The following FBXL17 variants were observed in gnomAD, a reference collection of about 807,000 sequenced individuals.
FBXL17 encodes the protein F-box/LRR-repeat protein 17.
A neutral mutation model predicts 66.2 loss-of-function variants in FBXL17; 22 were observed. That is an observed-to-expected ratio of 0.33 (90% CI 0.24 to 0.47). FBXL17 has a LOEUF of 0.47. Among genes scored for constraint, FBXL17 ranks in the 20% least tolerant of loss-of-function variants. The pLI, the probability that FBXL17 is intolerant of heterozygous loss-of-function variation, is 1.00. For synonymous variants in FBXL17, 474 were observed against 400.5 expected (o/e 1.18, Z -2.19); for missense variants, 878 against 948.2 (o/e 0.93, Z 0.97).
At chr5:108,121,357 T>C (rs1449262635) in intron 6 of FBXL17, among the ~76,000 whole-genome samples, 1 of 151,976 alleles carries the variant, frequency 6.6e-6, no homozygotes, top group Non-Finnish European at 1.5e-5. Context: ...CTTGTTAATG[T>C]TTTTTGGCAA....
chr5:108,343,672 C>T (rs1252120220), intron 4 of FBXL17, among the ~76,000 whole-genome samples: 1 of 152,092 alleles, frequency 6.6e-6, no homozygotes, highest in Non-Finnish European at 1.5e-5. Flanking sequence ...AACTGTGACA[C>T]AAATGTTTAT....
At chr5:107,876,602 G>A (rs1012138306) in intron 8 of FBXL17, among the ~76,000 whole-genome samples, 1 of 151,968 alleles carries the variant, frequency 6.6e-6, no homozygotes, top group African/African-American at 2.4e-5. Flanking sequence ...TGTTTTTTCC[G>A]CCAGTGCCAG....
At chr5:108,182,573 T>A (rs765443480) in intron 6 of FBXL17, among the ~76,000 whole-genome samples, 1 of 152,214 alleles carries the variant, frequency 6.6e-6, no homozygotes, top group African/African-American at 2.4e-5. Context: ...TTAAAATGCA[T>A]GTTTTCTTAA....
chr5:108,017,672 T>G (rs560509519), intron 7 of FBXL17, among the ~76,000 whole-genome samples: 76 of 152,288 alleles, frequency 5.0e-4, no homozygotes, highest in Non-Finnish European at 7.8e-4. Context: ...TAAGTTTGAT[T>G]TTTTTTCCAC....
intron 4 of FBXL17, among the ~76,000 whole-genome samples, chr5:108,328,419 A>G (rs1759962738): frequency 6.6e-6 from 1 of 152,112 alleles, no homozygotes; most frequent in Non-Finnish European, 1.5e-5. Context: ...ACAAGATAAC[A>G]TAAAAAGGGC....
chr5:107,927,692 T>G (rs1453459379), intron 7 of FBXL17, among the ~76,000 whole-genome samples: 1 of 152,092 alleles, frequency 6.6e-6, no homozygotes, highest in Non-Finnish European at 1.5e-5. Context: ...GTAGAAAAGG[T>G]TCTTTAATTT....
chr5:108,176,755 T>C (rs939863739), intron 6 of FBXL17, among the ~76,000 whole-genome samples: 2 of 152,092 alleles, frequency 1.3e-5, no homozygotes, highest in African/African-American at 4.8e-5. Context: ...TAACTATAAG[T>C]ACTAAAAGAA....
intron 4 of FBXL17, among the ~76,000 whole-genome samples, chr5:108,296,902 GTTT>G (rs1758370009): frequency 6.6e-6 from 1 of 151,076 alleles, no homozygotes; most frequent in African/African-American, 2.4e-5. Flanking sequence ...GGTAATTTTT[GTTT>G]TTAATATACC....
chr5:108,142,508 AT>A (rs943969041), intron 6 of FBXL17, among the ~76,000 whole-genome samples: 1 of 152,222 alleles, frequency 6.6e-6, no homozygotes, highest in Non-Finnish European at 1.5e-5. Context: ...GTGCTCTGGC[AT>A]TCACAAGAGC....
chr5:107,868,817 G>T (rs1748358679), intron 8 of FBXL17, among the ~76,000 whole-genome samples: 3 of 152,198 alleles, frequency 2.0e-5, no homozygotes, highest in Admixed American at 2.0e-4. Context: ...GGACAAAGAG[G>T]TGTCAGCCTG....
intron 6 of FBXL17, among the ~76,000 whole-genome samples, chr5:108,122,110 G>A (rs945827884): frequency 1.1e-4 from 16 of 152,030 alleles, no homozygotes; most frequent in African/African-American, 3.9e-4. Context: ...GGCTTATTAT[G>A]TACCAGGTAC....
At chr5:107,966,034 T>C (rs1165326253) in intron 7 of FBXL17, among the ~76,000 whole-genome samples, 2 of 152,134 alleles carry the variant, frequency 1.3e-5, no homozygotes, top group African/African-American at 4.8e-5. Context: ...TTCCCTGATT[T>C]TACACCTTGT....
intron 7 of FBXL17, among the ~76,000 whole-genome samples, chr5:107,965,805 C>T (rs750178762): frequency 5.3e-5 from 8 of 152,032 alleles, no homozygotes; most frequent in Non-Finnish European, 1.0e-4. Flanking sequence ...TGTACAGATA[C>T]ATAATTACTG....
intron 6 of FBXL17, among the ~76,000 whole-genome samples, chr5:108,116,928 TA>T (rs933580753): frequency 5.0e-4 from 76 of 151,286 alleles, no homozygotes; most frequent in African/African-American, 4.8e-4. Context: ...GAGAATACAT[TA>T]AAAAAAAATT....
At chr5:108,096,763 T>A (rs1385340902) in intron 6 of FBXL17, among the ~76,000 whole-genome samples, 1 of 152,086 alleles carries the variant, frequency 6.6e-6, no homozygotes, top group Non-Finnish European at 1.5e-5. Flanking sequence ...GTCTGAGCAA[T>A]GGGAGGACAG....
At chr5:108,240,776 C>G (rs934172033) in intron 4 of FBXL17, among the ~76,000 whole-genome samples, 1 of 152,182 alleles carries the variant, frequency 6.6e-6, no homozygotes, top group South Asian at 2.1e-4. Flanking sequence ...TATTCTGGTT[C>G]AGGTCTCACC....
At chr5:107,916,241 A>G (rs901589792) in intron 7 of FBXL17, among the ~76,000 whole-genome samples, 1 of 152,228 alleles carries the variant, frequency 6.6e-6, no homozygotes, top group South Asian at 2.1e-4. Context: ...GTTTTATGAA[A>G]TGTAAGGCCA....
At chr5:108,239,119 G>A (rs748665853) in intron 4 of FBXL17, among the ~76,000 whole-genome samples, 1 of 151,918 alleles carries the variant, frequency 6.6e-6, no homozygotes, top group African/African-American at 2.4e-5. Flanking sequence ...ACAGTAGCGC[G>A]ATCATACCTC....
intron 7 of FBXL17, among the ~76,000 whole-genome samples, chr5:108,009,791 T>C (rs1176677924): frequency 1.3e-5 from 2 of 152,186 alleles, no homozygotes; most frequent in Non-Finnish European, 2.9e-5. Context: ...CCATTTAATA[T>C]CTATCCTACA....
Sources: gnomAD v4.1 joint callset for allele counts (sites outside exome capture counted in the v4.1 genomes callset) on GRCh38, gnomAD v4.1.1 for gene constraint, MANE v1.5 for transcripts, NCBI Gene and HGNC (gene_info 2026-07-23, HGNC 2026-07-21) for gene names.